SEMA6D: variants seen among roughly 807,000 people sequenced by gnomAD.
SEMA6D encodes the protein semaphorin-6D.
In SEMA6D, 35 loss-of-function variants were observed where a neutral mutation model predicts 106.6. The ratio of observed to expected loss-of-function variants is 0.33; its 90% CI spans 0.25 to 0.44. The LOEUF is 0.44. SEMA6D is among the 20% of genes least tolerant of loss of function. SEMA6D has a pLI of 1.00. For synonymous variants in SEMA6D, 499 were observed against 487.7 expected (o/e 1.02, Z -0.31); for missense variants, 1,185 against 1,345.9 (o/e 0.88, Z 1.87).
intron 1 of SEMA6D, among the ~76,000 whole-genome samples, chr15:47,386,992 C>T (rs189857044): frequency 6.6e-6 from 1 of 152,250 alleles, no homozygotes; most frequent in East Asian, 1.9e-4. Context: ...TTGGCCCACA[C>T]TGAGGCAGCC....
chr15:47,324,238 A>G (rs1292371469), intron 1 of SEMA6D, among the ~76,000 whole-genome samples: 1 of 152,206 alleles, frequency 6.6e-6, no homozygotes, highest in Non-Finnish European at 1.5e-5. Flanking sequence ...ATATAACCAT[A>G]TTAATATTTT....
intron 3 of SEMA6D, among the ~76,000 whole-genome samples, chr15:47,553,538 C>T (rs1350949549): frequency 6.6e-6 from 1 of 152,070 alleles, no homozygotes; most frequent in Non-Finnish European, 1.5e-5. Flanking sequence ...TTAAAGGCTA[C>T]TGATGTATTG....
At chr15:47,441,594 A>G (rs1188759469) in intron 2 of SEMA6D, among the ~76,000 whole-genome samples, 1 of 152,148 alleles carries the variant, frequency 6.6e-6, no homozygotes, top group Non-Finnish European at 1.5e-5. Context: ...TAGATGCTGC[A>G]TAAGTTTTGG....
chr15:47,519,669 T>G (rs576302627), intron 3 of SEMA6D, among the ~76,000 whole-genome samples: 1 of 152,242 alleles, frequency 6.6e-6, no homozygotes, highest in South Asian at 2.1e-4. Flanking sequence ...CCGGGTCACA[T>G]CCCCTCCCTA....
At chr15:47,679,176 T>C (rs75626326) in intron 4 of SEMA6D, among the ~76,000 whole-genome samples, 4,281 of 152,320 alleles carry the variant, frequency 0.028, 207 homozygotes, top group African/African-American at 0.099. Context: ...GTATTTTGTT[T>C]TACTATAAAT....
chr15:47,202,234 T>A (rs1894772210), intron 1 of SEMA6D, among the ~76,000 whole-genome samples: 1 of 151,886 alleles, frequency 6.6e-6, no homozygotes, highest in African/African-American at 2.4e-5. Context: ...TTACACTGCG[T>A]CTCTAAAATA....
At chr15:47,678,329 G>C (rs1031276578) in intron 4 of SEMA6D, among the ~76,000 whole-genome samples, 1 of 152,142 alleles carries the variant, frequency 6.6e-6, no homozygotes, top group African/African-American at 2.4e-5. Flanking sequence ...TTCAGCCACA[G>C]ACAAGCAGAA....
rs371904497 is a variant in SEMA6D, at chr15:47,770,629, T to G, written c.2066T>G (p.Met689Arg). The G allele has an allele frequency of 4.3e-6, 7 of 1,613,944 alleles. No individual in the cohort carries two copies. The African/African-American group carries it at 6.7e-5, about 15-fold the overall frequency. ...GTGGCAGTATACTGCTATCGAGACA[T>G]GTTTGTTCGGAAAAACAGAAAGATC... ...AGVAVYCYRD[M>R]FVRKNRKIHK... The change falls in exon 19 of 19, where the codon ATG becomes AGG. Residue 689 changes from methionine (M) to arginine (R), a missense_variant. By Grantham distance (91) the Met-to-Arg change is moderately conservative. Coordinates refer to ENST00000536845, the MANE Select transcript of SEMA6D (RefSeq NM_001358351.3).
intron 1 of SEMA6D, among the ~76,000 whole-genome samples, chr15:47,385,680 T>C (rs1384824065): frequency 1.1e-5 from 1 of 93,096 alleles, no homozygotes; most frequent in Non-Finnish European, 2.4e-5. Flanking sequence ...AATAAAGAAT[T>C]TTTTTTAAAA....
chr15:47,530,124 G>T (rs2044908820), intron 3 of SEMA6D, among the ~76,000 whole-genome samples: 1 of 152,182 alleles, frequency 6.6e-6, no homozygotes, highest in African/African-American at 2.4e-5. Context: ...CTGAGAAGAT[G>T]CTCTTTTGAT....
intron 4 of SEMA6D, among the ~76,000 whole-genome samples, chr15:47,644,570 A>T (rs556655654): frequency 1.3e-5 from 2 of 152,330 alleles, no homozygotes; most frequent in South Asian, 4.1e-4. Flanking sequence ...GATTGGGGGC[A>T]GGTGCCCTTA....
At chr15:47,591,061 T>A (rs1424562821) in intron 3 of SEMA6D, among the ~76,000 whole-genome samples, 1 of 152,216 alleles carries the variant, frequency 6.6e-6, no homozygotes, top group East Asian at 1.9e-4. Flanking sequence ...AATTTATTTC[T>A]CACAGTTGTA....
chr15:47,687,522 C>T (rs776543147), intron 4 of SEMA6D, among the ~76,000 whole-genome samples: 23 of 152,016 alleles, frequency 1.5e-4, no homozygotes, highest in African/African-American at 3.9e-4. Context: ...AGGTGGAAAA[C>T]GTAGCAAAAT....
At chr15:47,277,770 AC>A (rs1205713333) in intron 1 of SEMA6D, among the ~76,000 whole-genome samples, 1 of 149,282 alleles carries the variant, frequency 6.7e-6, no homozygotes, top group South Asian at 2.1e-4. Flanking sequence ...CCCTCCCCAC[AC>A]CCCACAACAG....
chr15:47,230,324 T>C (rs1205057347), intron 1 of SEMA6D, among the ~76,000 whole-genome samples: 1 of 152,088 alleles, frequency 6.6e-6, no homozygotes. Context: ...ATATCTTGAA[T>C]ATACAAATAC....
intron 1 of SEMA6D, among the ~76,000 whole-genome samples, chr15:47,407,967 C>T (rs993621930): frequency 3.3e-5 from 5 of 152,026 alleles, no homozygotes; most frequent in Non-Finnish European, 5.9e-5. Flanking sequence ...TGTGAAAGGA[C>T]GTGGTGAAGA....
At chr15:47,526,045 G>T (rs1440612577) in intron 3 of SEMA6D, among the ~76,000 whole-genome samples, 1 of 152,162 alleles carries the variant, frequency 6.6e-6, no homozygotes, top group Non-Finnish European at 1.5e-5. Flanking sequence ...TTTAGGAAGT[G>T]TAAAAAAGAG....
chr15:47,581,753 A>C (rs113644027), intron 3 of SEMA6D, among the ~76,000 whole-genome samples: 2,878 of 152,306 alleles, frequency 0.019, 95 homozygotes, highest in African/African-American at 0.066. Context: ...TTTTAGATTA[A>C]GTGTGATGAG....
chr15:47,439,904 C>G (rs2041831411), intron 2 of SEMA6D, among the ~76,000 whole-genome samples: 1 of 152,090 alleles, frequency 6.6e-6, no homozygotes, highest in Non-Finnish European at 1.5e-5. Flanking sequence ...AAAAGCATTT[C>G]AGGCACTAAA....
Sources: allele counts gnomAD v4.1 joint callset (sites outside exome capture counted in the v4.1 genomes callset), GRCh38; gene constraint gnomAD v4.1.1; transcripts MANE v1.5; gene names NCBI Gene and HGNC (gene_info 2026-07-23, HGNC 2026-07-21).